DYDC2: variants seen among roughly 807,000 people sequenced by gnomAD.
DYDC2 encodes the protein DPY30 domain-containing protein 2.
In DYDC2, 19 loss-of-function variants were observed where a neutral mutation model predicts 18.7. That is an observed-to-expected ratio of 1.02 (90% confidence interval 0.71 to 1.49). The LOEUF is 1.49. Ranked by LOEUF, DYDC2 falls within the 40% of genes most tolerant of loss-of-function variation. DYDC2 has a pLI of 0.00. For missense variants in DYDC2, 179 were observed against 205.1 expected (o/e 0.87, Z 0.78); for synonymous variants, 63 against 67.6 (o/e 0.93, Z 0.34).
upstream of DYDC2, chr10:80,351,815 G>T (rs1474138143): frequency 2.6e-6 from 3 of 1,173,946 alleles, no homozygotes; most frequent in Admixed American, 4.3e-5. Flanking sequence ...AACTGGAGCT[G>T]GGAAGTTTAT....
upstream of DYDC2, among the ~76,000 whole-genome samples, chr10:80,353,259 A>C (rs902009614): frequency 2.6e-5 from 4 of 151,500 alleles, no homozygotes; most frequent in Admixed American, 6.6e-5. Context: ...TTTCAAGTTC[A>C]CCTCCAGACA....
chr10:80,353,350 G>A (rs1340501306), upstream of DYDC2, among the ~76,000 whole-genome samples: 2 of 151,568 alleles, frequency 1.3e-5, no homozygotes, highest in Non-Finnish European at 1.5e-5. Context: ...TTTTAGTAGA[G>A]ACAGGGTTTC....
At chr10:80,352,736 G>T, upstream of DYDC2, 1 of 1,193,838 alleles carries the variant, frequency 8.4e-7, no homozygotes, top group Non-Finnish European at 1.1e-6. Context: ...CCTCCCATTG[G>T]GGGTGTCACA....
chr10:80,358,041 C>G lies in DYDC2; in HGVS notation c.-14C>G. On this transcript the variant is annotated 5_prime_UTR_variant, in exon 2 of 5. Coordinates refer to ENST00000256039, the MANE Select transcript of DYDC2 (RefSeq NM_032372.6). ...AACACTGAAAAATAGCCTCTCCCCC[C>G]ATTGGTGAGTGTACCCTAAGTTGGT... 1 of 985,584 alleles carries G rather than the reference C, an allele frequency of 1.0e-6. No homozygotes were observed. Among genetic ancestry groups the G allele is most frequent in the Non-Finnish European group, 1.2e-6 (1 of 830,068 alleles). The allele number at this position is 985,584 out of a possible 1,614,324, so 61.1% of individuals were successfully genotyped here. A position where few individuals can be genotyped will look rare whatever the true frequency, so the allele number is the denominator to read the frequency against.
chr10:80,357,179 G>A (rs935115376), intron 1 of DYDC2, among the ~76,000 whole-genome samples: 1 of 147,926 alleles, frequency 6.8e-6, no homozygotes, highest in African/African-American at 2.5e-5. Context: ...GGGCAGAGAG[G>A]AGAGGGAATG....
At chr10:80,360,737 A>G (rs1354313295) in intron 2 of DYDC2, among the ~76,000 whole-genome samples, 1 of 151,180 alleles carries the variant, frequency 6.6e-6, no homozygotes, top group Non-Finnish European at 1.5e-5. Context: ...CCTTTATAGA[A>G]TTCTTTCTTC....
upstream of DYDC2, among the ~76,000 whole-genome samples, chr10:80,354,121 T>TA (rs373127565): frequency 1.6e-4 from 23 of 144,034 alleles, no homozygotes; most frequent in Admixed American, 2.8e-4. Context: ...GTCTCATATA[T>TA]AAAAAAAAAT....
rs1843843346 is a variant in DYDC2 at position 80,366,576 on chromosome 10, C to T, written c.271-112C>T. The T allele has an allele frequency of 5.5e-6, 7 of 1,280,646 alleles. No individual in the cohort carries two copies. The Admixed American group carries it at 7.1e-5, about 13-fold the overall frequency. 79.3% of individuals were successfully genotyped at this position (1,280,646 alleles called of 1,614,324 possible). A position where few individuals can be genotyped will look rare whatever the true frequency, so the allele number is the denominator to read the frequency against. ...ATGCTTTGTTAAAGCAGGGCTATTT[C>T]AGTTTGGTTCTTAGTCTCTGGCATG... On this transcript the variant is annotated intron_variant, in intron 4 of 4. Transcript: ENST00000256039.
chr10:80,366,022 C>CTT (rs1843824434), intron 4 of DYDC2, among the ~76,000 whole-genome samples: 1 of 125,898 alleles, frequency 7.9e-6, no homozygotes, highest in African/African-American at 3.1e-5. Context: ...GGACCTTTTT[C>CTT]TTTCTCTTTT....
intron 2 of DYDC2, among the ~76,000 whole-genome samples, chr10:80,362,033 A>T (rs903809053): frequency 6.6e-6 from 1 of 152,220 alleles, no homozygotes; most frequent in Non-Finnish European, 1.5e-5. Context: ...TCCTATGTCC[A>T]TAAGATAGAT....
At position 80,363,073 on chromosome 10, in the gene DYDC2, G is replaced by A. The variant is rs761700638; in HGVS notation, c.270G>A (p.Lys90=). ...AACAGAACTGTGAAAAGTGTCACAA[G>A]GTAGGGAGAAGGACTCAGCTTTGGG... The part of the protein sequence containing the change: ...QIQQNCEKCH[K]ELTSETVSTK... Residue 90 remains lysine (K), a splice_region_variant and synonymous_variant, in exon 4 of 5, where the codon AAG becomes AAA. Transcript: ENST00000256039. 1 of 1,611,200 alleles carries A rather than the reference G, an allele frequency of 6.2e-7. No individual in the cohort carries two copies. The highest frequency in any genetic ancestry group is 1.7e-5 in the Admixed American group (1 of 59,654).
At chr10:80,358,973 G>A (rs898462325) in intron 2 of DYDC2, among the ~76,000 whole-genome samples, 2 of 152,206 alleles carry the variant, frequency 1.3e-5, no homozygotes, top group African/African-American at 2.4e-5. Flanking sequence ...TAAAGGCAGT[G>A]CAGACCCAAA....
intron 3 of DYDC2, 128 bp downstream of exon 3, chr10:80,362,718 C>T (rs1843702126): frequency 7.0e-7 from 1 of 1,431,742 alleles, no homozygotes; most frequent in Non-Finnish European, 9.4e-7. Context: ...CTCTTAGAGC[C>T]AGATATCCCT....
At chr10:80,349,961 G>A (rs1842888009) in intron 1 of DYDC2, among the ~76,000 whole-genome samples, 1 of 152,192 alleles carries the variant, frequency 6.6e-6, no homozygotes, top group Non-Finnish European at 1.5e-5. Flanking sequence ...TGACTATGAG[G>A]ACAACTGCTT....
Position 80,346,444 on chromosome 10 carries a change from C to CTTTTTTTTTTTTTTTTTTTTTTTTTTT in DYDC2, c.-310+1630_-310+1656dup, listed in dbSNP as rs1032729095. On this transcript the variant is annotated intron_variant, in intron 1 of 4. Coordinates refer to the DYDC2 transcript ENST00000372197. The stretch of plus-strand genomic sequence containing the variant: ...TCACCAATGTGTGTCTCTTCCCTTT[C>CTTTTTTTTTTTTTTTTTTTTTTTTTTT]TTTTTTTTTTTTTTTTTTTTTTTTT... Among the ~76,000 whole-genome samples, 12 of 83,360 alleles carry CTTTTTTTTTTTTTTTTTTTTTTTTTTT rather than the reference C, an allele frequency of 1.4e-4. 1 individual carries two copies. The highest frequency in any genetic ancestry group is 4.0e-4 in the African/African-American group (8 of 20,098). The allele number at this position is 83,360 out of a possible 152,430, so 54.7% of individuals were successfully genotyped here.
At chr10:80,348,348 T>G (rs1415872536) in intron 1 of DYDC2, among the ~76,000 whole-genome samples, 1 of 152,228 alleles carries the variant, frequency 6.6e-6, no homozygotes, top group Non-Finnish European at 1.5e-5. Flanking sequence ...GAAATTAGCT[T>G]TGGCTGCAGA....
Position 80,366,875 on chromosome 10 carries a change from A to G in DYDC2, c.458A>G (p.Gln153Arg), listed in dbSNP as rs1843855009. Residue 153 changes from glutamine to arginine, a missense_variant, in exon 5 of 5, where the codon CAA (glutamine) becomes CGA (arginine). Transcript: ENST00000256039. ...GQIDQNFKMP[Q>R]EINYKEAFQH... is the part of the protein sequence containing the mutation. ...ATTGACCAGAACTTCAAAATGCCACAAGAAATAAATTACAAGGAGGCTTTT... is the reference window on the plus strand; with the variant it reads ...ATTGACCAGAACTTCAAAATGCCACGAGAAATAAATTACAAGGAGGCTTTT... The G allele has an allele frequency of 6.2e-7, 1 of 1,614,080 alleles. No homozygotes were observed. Among genetic ancestry groups the G allele is most frequent in the South Asian group, 1.1e-5 (1 of 91,082 alleles).
At position 80,367,897 on chromosome 10, in the gene DYDC2, C is replaced by G. The variant is rs1480584476; in HGVS notation, c.*946C>G. ...TAAGTAGATTCATATTCTTGTGCAA[C>G]CATCATCACCATCCGGCTGCAAAAC... On this transcript the variant is annotated 3_prime_UTR_variant, in exon 5 of 5. Transcript: ENST00000256039. 1 of 152,102 alleles carries G rather than the reference C, an allele frequency of 6.6e-6. No individual in the cohort carries two copies. The highest frequency in any genetic ancestry group is 1.5e-5 in the Non-Finnish European group (1 of 68,042). The allele number at this position is 152,102 out of a possible 1,614,324, so 9.4% of individuals were successfully genotyped here. A position where few individuals can be genotyped will look rare whatever the true frequency, so the allele number is the denominator to read the frequency against.
chr10:80,354,071 G>A (rs531651856), upstream of DYDC2, among the ~76,000 whole-genome samples: 179 of 151,288 alleles, frequency 1.2e-3, no homozygotes, highest in Middle Eastern at 0.017. Flanking sequence ...AGCCAAGATC[G>A]TGCCACTGCA....
Sources: allele counts gnomAD v4.1 joint callset (sites outside exome capture counted in the v4.1 genomes callset), GRCh38; gene constraint gnomAD v4.1.1; transcripts MANE v1.5; gene names NCBI Gene and HGNC (gene_info 2026-07-23, HGNC 2026-07-21).